The following VPS8 variants were observed in gnomAD, a reference collection of about 807,000 sequenced individuals.
The protein encoded by VPS8 is VPS8 subunit of CORVET complex.
Under a neutral mutation model 216.4 loss-of-function variants are expected in VPS8, and 129 were observed. That is an observed-to-expected ratio of 0.60 (90% confidence interval 0.52 to 0.69). VPS8 has a LOEUF of 0.69. Ranked by LOEUF, VPS8 falls within the 30% of genes least tolerant of loss-of-function variation. The pLI, the probability that VPS8 is intolerant of heterozygous loss-of-function variation, is 0.00. For synonymous variants in VPS8, 571 were observed against 565.4 expected (o/e 1.01, Z -0.14); for missense variants, 1,531 against 1,683.5 (o/e 0.91, Z 1.59).
intron 31 of VPS8, among the ~76,000 whole-genome samples, chr3:184,928,244 C>T (rs940770701): frequency 2.6e-5 from 4 of 152,124 alleles, no homozygotes; most frequent in African/African-American, 9.7e-5. Flanking sequence ...GAAAGCAGAG[C>T]CATTTATCTT....
At chr3:184,823,987 G>A (rs1163513214) in intron 1 of VPS8, among the ~76,000 whole-genome samples, 1 of 152,010 alleles carries the variant, frequency 6.6e-6, no homozygotes, top group Non-Finnish European at 1.5e-5. Context: ...TTTATCTTGG[G>A]GTCATTGTTG....
At chr3:184,934,156 TTTTTG>T (rs570277678) in intron 34 of VPS8, among the ~76,000 whole-genome samples, 1 of 152,054 alleles carries the variant, frequency 6.6e-6, no homozygotes, top group Non-Finnish European at 1.5e-5. Context: ...CCATCCTTTG[TTTTTG>T]TTTTGTTTTG....
At chr3:184,936,370 C>A in intron 35 of VPS8, 35 bp downstream of exon 35, 2 of 1,529,854 alleles carry the variant, frequency 1.3e-6, no homozygotes, top group Non-Finnish European at 1.8e-6. Flanking sequence ...GGAAAAATAT[C>A]TAGTGGAAAG....
chr3:185,015,841 A>G (rs1394815087), intron 45 of VPS8, among the ~76,000 whole-genome samples: 2 of 152,146 alleles, frequency 1.3e-5, no homozygotes. Context: ...CATAGTAGCA[A>G]TTTGATCCAA....
At chr3:184,990,220 C>T (rs531573967) in intron 42 of VPS8, among the ~76,000 whole-genome samples, 1 of 152,312 alleles carries the variant, frequency 6.6e-6, no homozygotes, top group South Asian at 2.1e-4. Context: ...GTTAAATCCT[C>T]TCTACTCTGT....
At chr3:184,983,144 G>A in intron 42 of VPS8, 50 bp downstream of exon 42, 1 of 1,444,836 alleles carries the variant, frequency 6.9e-7, no homozygotes, top group Non-Finnish European at 9.3e-7. Context: ...TAACATTTTA[G>A]TTATATATAA....
intron 16 of VPS8, among the ~76,000 whole-genome samples, chr3:184,864,762 A>G (rs571414031): frequency 5.8e-4 from 89 of 152,344 alleles, no homozygotes; most frequent in African/African-American, 2.1e-3. Flanking sequence ...ATTAATAGGA[A>G]TACAGAAAGA....
chr3:184,932,696 G>T (rs552810002), intron 34 of VPS8, among the ~76,000 whole-genome samples: 1 of 151,936 alleles, frequency 6.6e-6, no homozygotes. Context: ...TTTTTGTTTT[G>T]CCTATTCTTG....
intron 39 of VPS8, among the ~76,000 whole-genome samples, chr3:184,969,418 A>ACC (rs63382562): frequency 2.1e-5 from 1 of 47,746 alleles, no homozygotes; most frequent in African/African-American, 9.8e-5. Flanking sequence ...ACCCAGCCCC[A>ACC]CCCCCCCCCC....
chr3:184,863,108 T>C (rs755379628), intron 16 of VPS8, 41 bp downstream of exon 16: 3 of 1,597,774 alleles, frequency 1.9e-6, no homozygotes, highest in Non-Finnish European at 1.7e-6. Context: ...GAAAATACTT[T>C]GATAAACTTG....
chr3:184,842,243 T>G (rs1008388544), intron 7 of VPS8, among the ~76,000 whole-genome samples: 2 of 146,498 alleles, frequency 1.4e-5, no homozygotes, highest in African/African-American at 5.0e-5. Flanking sequence ...AACTCAAGTA[T>G]AGCTTACTGC....
chr3:184,925,949 A>AT (rs987451299), intron 30 of VPS8, among the ~76,000 whole-genome samples: 29 of 150,624 alleles, frequency 1.9e-4, no homozygotes, highest in African/African-American at 6.8e-4. Context: ...AATTTCTTGT[A>AT]TTTTTTGTAG....
intron 45 of VPS8, among the ~76,000 whole-genome samples, chr3:185,022,524 G>GTTTTTAATGA (rs1202022476): frequency 6.6e-6 from 1 of 152,118 alleles, no homozygotes; most frequent in African/African-American, 2.4e-5. Context: ...TGTAAGTTCT[G>GTTTTTAATGA]TTTTTAATGA....
intron 25 of VPS8, among the ~76,000 whole-genome samples, chr3:184,912,729 C>T (rs1382147217): frequency 3.9e-5 from 6 of 152,148 alleles, no homozygotes; most frequent in Non-Finnish European, 8.8e-5. Flanking sequence ...TTTACATGCA[C>T]TAACAACATC....
intron 45 of VPS8, among the ~76,000 whole-genome samples, chr3:185,007,959 T>C (rs1490209137): frequency 6.6e-6 from 1 of 152,120 alleles, no homozygotes; most frequent in Non-Finnish European, 1.5e-5. Flanking sequence ...GGAACAGTGA[T>C]ATTAATGCCT....
chr3:184,829,126 T>C (rs970579386), intron 3 of VPS8, among the ~76,000 whole-genome samples: 1 of 152,254 alleles, frequency 6.6e-6, no homozygotes, highest in African/African-American at 2.4e-5. Context: ...AATTTCTGAC[T>C]ACTATGAAGA....
At chr3:184,890,198 A>G (rs1578100139) in intron 22 of VPS8, among the ~76,000 whole-genome samples, 1 of 152,202 alleles carries the variant, frequency 6.6e-6, no homozygotes, top group South Asian at 2.1e-4. Context: ...ATTTATGTCT[A>G]AGGTCTTCTC....
intron 9 of VPS8, chr3:184,849,608 T>TA: frequency 3.3e-6 from 1 of 300,398 alleles, no homozygotes; most frequent in Non-Finnish European, 6.1e-6. Context: ...CATACATCAC[T>TA]AGCTAGTTTG....
At chr3:184,927,675 C>T (rs1264782575) in intron 31 of VPS8, among the ~76,000 whole-genome samples, 1 of 152,110 alleles carries the variant, frequency 6.6e-6, no homozygotes, top group Non-Finnish European at 1.5e-5. Flanking sequence ...CCATCCATCC[C>T]CAGAACTCTT....
Sources: allele counts gnomAD v4.1 joint callset (sites outside exome capture counted in the v4.1 genomes callset), GRCh38; gene constraint gnomAD v4.1.1; transcripts MANE v1.5; gene names NCBI Gene and HGNC (gene_info 2026-07-23, HGNC 2026-07-21).